Variants in PDGFC observed in about 807,000 individuals in gnomAD.
PDGFC encodes platelet derived growth factor C.
PDGFC carries 12 observed loss-of-function variants against 35.5 expected under a neutral mutation model. The ratio of observed to expected loss-of-function variants is 0.34; its 90% CI spans 0.22 to 0.55. PDGFC has a LOEUF of 0.55. PDGFC is among the 20% of genes least tolerant of loss of function. The pLI is 0.91. For missense variants in PDGFC, 322 were observed against 412.4 expected, an observed-to-expected ratio of 0.78 and a Z score of 1.90; for synonymous variants, 159 against 148.8, an observed-to-expected ratio of 1.07 and a Z score of -0.50.
chr4:156,887,847 A>C (rs1355491856), intron 1 of PDGFC, among the ~76,000 whole-genome samples: 1 of 151,782 alleles, frequency 6.6e-6, no homozygotes, highest in Non-Finnish European at 1.5e-5. Context: ...AAAATCTGCA[A>C]AAAATACTAG....
intron 3 of PDGFC, among the ~76,000 whole-genome samples, chr4:156,792,026 T>C (rs1731312226): frequency 6.6e-6 from 1 of 152,170 alleles, no homozygotes; most frequent in African/African-American, 2.4e-5. Flanking sequence ...AACAGGGATA[T>C]TTAAAAAGCA....
chr4:156,936,458 T>TA (rs1579111306), intron 1 of PDGFC, among the ~76,000 whole-genome samples: 1 of 152,144 alleles, frequency 6.6e-6, no homozygotes, highest in Non-Finnish European at 1.5e-5. Flanking sequence ...TACTTTGTCT[T>TA]AAAAAATACA....
At chr4:156,834,903 T>C (rs969560650) in intron 2 of PDGFC, among the ~76,000 whole-genome samples, 5 of 151,844 alleles carry the variant, frequency 3.3e-5, no homozygotes, top group Admixed American at 1.3e-4. Context: ...TCTTGAGTCA[T>C]ATAGTTAGTC....
At chr4:156,932,885 T>G (rs1731585774) in intron 1 of PDGFC, among the ~76,000 whole-genome samples, 1 of 151,182 alleles carries the variant, frequency 6.6e-6, no homozygotes, top group African/African-American at 2.4e-5. Context: ...ACCCTAAAAC[T>G]TAAGGTATAA....
At chr4:156,833,990 T>C (rs1729004499) in intron 2 of PDGFC, among the ~76,000 whole-genome samples, 1 of 152,156 alleles carries the variant, frequency 6.6e-6, no homozygotes, top group South Asian at 2.1e-4. Context: ...CATCAGAAAA[T>C]GAATGCAGTG....
At chr4:156,859,919 T>C (rs577388389) in intron 1 of PDGFC, among the ~76,000 whole-genome samples, 2 of 152,214 alleles carry the variant, frequency 1.3e-5, no homozygotes, top group South Asian at 2.1e-4. Flanking sequence ...AGCTTAAACA[T>C]GAAGATTTTA....
chr4:156,878,123 A>G (rs888789151), intron 1 of PDGFC, among the ~76,000 whole-genome samples: 3 of 152,172 alleles, frequency 2.0e-5, no homozygotes, highest in Admixed American at 6.5e-5. Flanking sequence ...TTGTGCACTC[A>G]AGGCCTGGCA....
intron 1 of PDGFC, among the ~76,000 whole-genome samples, chr4:156,951,920 G>A (rs1732094512): frequency 6.6e-6 from 1 of 151,534 alleles, no homozygotes; most frequent in African/African-American, 2.4e-5. Context: ...TAAATAGATA[G>A]GAAAAAAGAG....
At chr4:156,901,082 G>T (rs1730763644) in intron 1 of PDGFC, among the ~76,000 whole-genome samples, 1 of 152,168 alleles carries the variant, frequency 6.6e-6, no homozygotes, top group Non-Finnish European at 1.5e-5. Flanking sequence ...TATTTTCTCT[G>T]CTAGATTGAT....
At chr4:156,845,801 C>T (rs1412704326) in intron 2 of PDGFC, among the ~76,000 whole-genome samples, 1 of 151,770 alleles carries the variant, frequency 6.6e-6, no homozygotes, top group Non-Finnish European at 1.5e-5. Flanking sequence ...TATGTGTTTA[C>T]TTAATATCTA....
intron 1 of PDGFC, among the ~76,000 whole-genome samples, chr4:156,858,114 T>C (rs1729626630): frequency 6.6e-6 from 1 of 152,116 alleles, no homozygotes; most frequent in Admixed American, 6.6e-5. Context: ...GGTGCGATTA[T>C]TATTATGCGT....
chr4:156,825,590 T>TAAGAAGAAGAAGAAGAAG (rs1238405953), intron 2 of PDGFC, among the ~76,000 whole-genome samples: 57 of 78,330 alleles, frequency 7.3e-4, no homozygotes, highest in East Asian at 2.3e-3. Context: ...ATAATAATAA[T>TAAGAAGAAGAAGAAGAAG]AATAAGAAGA....
chr4:156,853,105 T>C (rs1729493699), intron 1 of PDGFC, among the ~76,000 whole-genome samples: 1 of 152,232 alleles, frequency 6.6e-6, no homozygotes, highest in Non-Finnish European at 1.5e-5. Flanking sequence ...AGAAATTTCT[T>C]ACATAATATT....
chr4:156,923,775 T>C (rs1043106878), intron 1 of PDGFC, among the ~76,000 whole-genome samples: 2 of 151,928 alleles, frequency 1.3e-5, no homozygotes, highest in African/African-American at 4.8e-5. Context: ...TATCTATTCA[T>C]CATTTACTAA....
At position 156,894,300 on chromosome 4, in the gene PDGFC, T is replaced by G. The variant is rs112298385; in HGVS notation, c.119-43884A>C. On this transcript the variant is annotated intron_variant, in intron 1 of 5. Transcript: ENST00000502773. Reference sequence around the variant, plus strand: ...TATAGTCTAAATACATAATGTAGGATTTTATCATCTAGATTATCATTCTAA... The same window carrying G: ...TATAGTCTAAATACATAATGTAGGAGTTTATCATCTAGATTATCATTCTAA... Among the ~76,000 whole-genome samples the G allele has an allele frequency of 1.9e-3, 287 of 152,282 alleles. 1 individual carries two copies. Among genetic ancestry groups the G allele is most frequent in the African/African-American group, 6.6e-3 (275 of 41,556 alleles).
intron 1 of PDGFC, among the ~76,000 whole-genome samples, chr4:156,866,077 G>A (rs952038709): frequency 3.3e-5 from 5 of 152,044 alleles, no homozygotes; most frequent in Non-Finnish European, 2.9e-5. Context: ...TTTAGCATTA[G>A]GTATATCTCC....
At chr4:156,771,945 A>T (rs1221607535) in intron 4 of PDGFC, among the ~76,000 whole-genome samples, 2 of 152,180 alleles carry the variant, frequency 1.3e-5, no homozygotes, top group African/African-American at 4.8e-5. Flanking sequence ...GTTACTAAAA[A>T]AATTAGGTAA....
At chr4:156,784,597 T>A (rs2110858803) in intron 3 of PDGFC, among the ~76,000 whole-genome samples, 1 of 152,050 alleles carries the variant, frequency 6.6e-6, no homozygotes, top group African/African-American at 2.4e-5. Context: ...TAAGAAAGAA[T>A]CATAGATTTA....
intron 1 of PDGFC, among the ~76,000 whole-genome samples, chr4:156,883,282 CA>C (rs2111175779): frequency 6.6e-6 from 1 of 152,062 alleles, no homozygotes; most frequent in African/African-American, 2.4e-5. Flanking sequence ...TCACTAGGTC[CA>C]ACTCTGTTTA....
Sources: gnomAD v4.1 joint callset for allele counts (sites outside exome capture counted in the v4.1 genomes callset) on GRCh38, gnomAD v4.1.1 for gene constraint, MANE v1.5 for transcripts, NCBI Gene and HGNC (gene_info 2026-07-23, HGNC 2026-07-21) for gene names.